The following HDX variants were observed in gnomAD, a reference collection of about 807,000 sequenced individuals.
The protein encoded by HDX is chromosome X open reading frame 43.
Under a neutral mutation model 45.2 loss-of-function variants are expected in HDX, and 19 were observed. The ratio of observed to expected loss-of-function variants is 0.42; its 90% CI spans 0.29 to 0.62. HDX has a LOEUF of 0.62. Ranked by LOEUF, HDX falls within the 20% of genes least tolerant of loss-of-function variation. The pLI is 0.20. For synonymous variants in HDX, 188 were observed against 172.8 expected, an observed-to-expected ratio of 1.09 and a Z score of -0.69; for missense variants, 532 against 493.9, an observed-to-expected ratio of 1.08 and a Z score of -0.73.
intron 5 of HDX, among the ~76,000 whole-genome samples, chrX:84,399,963 A>T (rs1361621766): frequency 1.8e-5 from 2 of 111,922 alleles, no homozygotes; most frequent in Non-Finnish European, 3.8e-5. Context: ...GACAAAAACC[A>T]CATTAATATA....
chrX:84,349,443 G>T (rs1380185145), intron 6 of HDX, among the ~76,000 whole-genome samples: 2 of 92,341 alleles, frequency 2.2e-5, no homozygotes, highest in African/African-American at 4.1e-5. Flanking sequence ...GTGTGTGTGT[G>T]TGTGTGTATG....
chrX:84,469,250 T>A lies in HDX; in HGVS notation c.473A>T (p.Gln158Leu), dbSNP rs1459924441. Residue 158 changes from glutamine (Q) to leucine (L), a missense_variant, in exon 4 of 11, where the codon CAA becomes CTA. Transcript: ENST00000373177. ...GGAAGCATTTTTACAGTGTGCTACT[T>A]GTCTTTGGACAGGAATGTGTAACTG... ...EFQLHIPVQRQVAHCKNASLL... is the reference protein window; with the variant it reads ...EFQLHIPVQRLVAHCKNASLL... 1 of 1,208,934 alleles carries A rather than the reference T, an allele frequency of 8.3e-7. No homozygotes were observed. Among genetic ancestry groups the A allele is most frequent in the Non-Finnish European group, 1.1e-6 (1 of 894,015 alleles).
At chrX:84,475,178 T>C in intron 3 of HDX, 73 bp downstream of exon 3, 1 of 903,336 alleles carries the variant, frequency 1.1e-6, no homozygotes, top group Non-Finnish European at 1.6e-6. Context: ...ACCCTGAATA[T>C]TTTTTCTCAT....
At chrX:84,473,957 A>C (rs888940770) in intron 3 of HDX, among the ~76,000 whole-genome samples, 1 of 112,285 alleles carries the variant, frequency 8.9e-6, no homozygotes, top group Non-Finnish European at 1.9e-5. Context: ...CTGGTTCTTA[A>C]ACAAATCTGA....
chrX:84,437,935 A>G (rs893688173), intron 5 of HDX, among the ~76,000 whole-genome samples: 7 of 111,250 alleles, frequency 6.3e-5, no homozygotes, highest in African/African-American at 2.0e-4. Flanking sequence ...TCTAGCAGGA[A>G]CAGAGAGTAG....
At chrX:84,406,975 C>A (rs1398400636) in intron 5 of HDX, among the ~76,000 whole-genome samples, 1 of 110,580 alleles carries the variant, frequency 9.0e-6, no homozygotes, top group Non-Finnish European at 1.9e-5. Flanking sequence ...GACAGCCAAA[C>A]AGAACTTATC....
chrX:84,398,360 A>G (rs759695551), intron 5 of HDX, among the ~76,000 whole-genome samples: 31 of 111,589 alleles, frequency 2.8e-4, no homozygotes, highest in Non-Finnish European at 5.1e-4. Flanking sequence ...ACATAGGCTC[A>G]AAATAAAGGG....
intron 5 of HDX, among the ~76,000 whole-genome samples, chrX:84,369,056 C>T (rs2037831643): frequency 9.0e-6 from 1 of 110,542 alleles, no homozygotes; most frequent in Non-Finnish European, 1.9e-5. Context: ...GGAGTGGGAA[C>T]CCTTGCAATA....
chrX:84,342,355 G>A (rs746689937), intron 7 of HDX, among the ~76,000 whole-genome samples: 1 of 111,645 alleles, frequency 9.0e-6, no homozygotes, highest in East Asian at 2.8e-4. Context: ...AACAATTCAA[G>A]AATCAATATA....
At chrX:84,479,784 G>A (rs1174802468) in intron 2 of HDX, among the ~76,000 whole-genome samples, 5 of 110,893 alleles carry the variant, frequency 4.5e-5, no homozygotes, top group Non-Finnish European at 9.5e-5. Context: ...TATTATTGTT[G>A]TGGTTTTGTG....
At chrX:84,472,119 C>T (rs953064471) in intron 3 of HDX, among the ~76,000 whole-genome samples, 4 of 108,607 alleles carry the variant, frequency 3.7e-5, no homozygotes, top group Non-Finnish European at 5.7e-5. Context: ...AAAAAAAACA[C>T]ACAACGTAAC....
chrX:84,404,595 G>T (rs2038775839), intron 5 of HDX, among the ~76,000 whole-genome samples: 3 of 111,249 alleles, frequency 2.7e-5, no homozygotes, highest in African/African-American at 9.8e-5. Context: ...GAGGACACAG[G>T]ACATACAAAC....
At chrX:84,411,658 G>T (rs944414554) in intron 5 of HDX, among the ~76,000 whole-genome samples, 2 of 111,143 alleles carry the variant, frequency 1.8e-5, no homozygotes, top group African/African-American at 6.5e-5. Context: ...TGGGTGGAAA[G>T]CTCTCTAGAT....
At chrX:84,380,458 C>T (rs1019357874) in intron 5 of HDX, among the ~76,000 whole-genome samples, 7 of 109,953 alleles carry the variant, frequency 6.4e-5, no homozygotes, top group African/African-American at 9.9e-5. Context: ...TGATAAATAT[C>T]GATGTAAACA....
intron 4 of HDX, among the ~76,000 whole-genome samples, chrX:84,461,817 T>C (rs776523713): frequency 2.7e-5 from 3 of 111,793 alleles, no homozygotes; most frequent in Non-Finnish European, 3.8e-5. Context: ...AACAACTCTA[T>C]AAGAAAAAAA....
In HDX at chrX:84,318,879, T is replaced by C. The variant is rs913193489; in HGVS notation, c.*3010A>G. ...TAGGACAAAACATCCCCAGTTTCCA[T>C]GAAGAGGCCAATTTTCTTTTAAGGT... On this transcript the variant is annotated 3_prime_UTR_variant, in exon 11 of 11. Transcript: ENST00000373177. The C allele has an allele frequency of 2.7e-5, 3 of 111,528 alleles. No homozygotes were observed. Among genetic ancestry groups the C allele is most frequent in the Non-Finnish European group, 3.8e-5 (2 of 52,668 alleles). 9.2% of individuals were successfully genotyped at this position (111,528 alleles called of 1,213,427 possible).
At chrX:84,434,918 T>G (rs1379233497) in intron 5 of HDX, among the ~76,000 whole-genome samples, 2 of 111,305 alleles carry the variant, frequency 1.8e-5, no homozygotes, top group Non-Finnish European at 3.8e-5. Context: ...TATCCAGAAA[T>G]TTATTCATTT....
intron 5 of HDX, 63 bp from the exon 6 acceptor site, chrX:84,361,675 A>G (rs2037626263): frequency 2.2e-6 from 2 of 908,142 alleles, no homozygotes. Context: ...AGGAAATAAT[A>G]TTATAAAGAG....
At chrX:84,475,976 C>T (rs1179446950) in intron 2 of HDX, among the ~76,000 whole-genome samples, 1 of 111,492 alleles carries the variant, frequency 9.0e-6, no homozygotes, top group Non-Finnish European at 1.9e-5. Flanking sequence ...TTAGGGAATA[C>T]TAAACAAAAT....
Sources: gnomAD v4.1 joint callset for allele counts (sites outside exome capture counted in the v4.1 genomes callset) on GRCh38, gnomAD v4.1.1 for gene constraint, MANE v1.5 for transcripts, NCBI Gene and HGNC (gene_info 2026-07-23, HGNC 2026-07-21) for gene names.